Variants in PCDH9 observed in about 807,000 individuals in gnomAD.
The protein encoded by PCDH9 is protocadherin-9.
A neutral mutation model predicts 70.6 loss-of-function variants in PCDH9; 24 were observed. That is an observed-to-expected ratio of 0.34 (90% CI 0.25 to 0.48). The LOEUF is 0.48. Ranked by LOEUF, PCDH9 falls within the 20% of genes least tolerant of loss-of-function variation. PCDH9 has a pLI of 0.99. For missense variants in PCDH9, 1,281 were observed against 1,503.6 expected (o/e 0.85, Z 2.45); for synonymous variants, 562 against 558.5 (o/e 1.01, Z -0.09).
At chr13:67,063,092 C>T (rs568860809) in intron 2 of PCDH9, among the ~76,000 whole-genome samples, 3 of 152,242 alleles carry the variant, frequency 2.0e-5, no homozygotes, top group East Asian at 3.9e-4. Context: ...GTATTTCTTA[C>T]TCATACTACA....
At chr13:67,188,277 A>T (rs900256946) in intron 2 of PCDH9, among the ~76,000 whole-genome samples, 2 of 152,134 alleles carry the variant, frequency 1.3e-5, no homozygotes, top group Non-Finnish European at 2.9e-5. Flanking sequence ...ATTATAAAAG[A>T]TATTTTATGT....
intron 2 of PCDH9, among the ~76,000 whole-genome samples, chr13:67,075,078 A>T (rs1425936911): frequency 7.4e-6 from 1 of 136,040 alleles, no homozygotes. Context: ...TGATAGTGAC[A>T]AAAAAAAAAA....
At chr13:66,399,383 C>T (rs373792892) in intron 4 of PCDH9, among the ~76,000 whole-genome samples, 18 of 152,172 alleles carry the variant, frequency 1.2e-4, no homozygotes, top group East Asian at 9.7e-4. Flanking sequence ...CTTTTGCCAG[C>T]GGCTTATTTT....
At chr13:67,193,332 A>AACACAC (rs71110637) in intron 2 of PCDH9, among the ~76,000 whole-genome samples, 115 of 142,060 alleles carry the variant, frequency 8.1e-4, no homozygotes, top group East Asian at 2.0e-3. Flanking sequence ...TGGAGATTAA[A>AACACAC]ACACACACAC....
chr13:66,331,874 G>A (rs1443746255), intron 4 of PCDH9, among the ~76,000 whole-genome samples: 1 of 152,146 alleles, frequency 6.6e-6, no homozygotes, highest in Middle Eastern at 3.2e-3. Flanking sequence ...GTTTATTTAG[G>A]AGATAGGCTA....
At chr13:66,743,699 A>T (rs1252370811) in intron 3 of PCDH9, among the ~76,000 whole-genome samples, 2 of 152,174 alleles carry the variant, frequency 1.3e-5, no homozygotes, top group Non-Finnish European at 2.9e-5. Context: ...AAATAGCTTG[A>T]TCTAGCTATT....
chr13:66,857,475 A>C (rs2081413284), intron 3 of PCDH9, among the ~76,000 whole-genome samples: 1 of 152,140 alleles, frequency 6.6e-6, no homozygotes, highest in African/African-American at 2.4e-5. Flanking sequence ...ACAAGAAAGC[A>C]GTCTATGAAA....
At chr13:66,665,651 C>A (rs537710825) in intron 3 of PCDH9, among the ~76,000 whole-genome samples, 374 of 152,178 alleles carry the variant, frequency 2.5e-3, no homozygotes, top group African/African-American at 8.6e-3. Flanking sequence ...ACCTCTGGGG[C>A]ACATGATGTA....
chr13:67,166,519 A>G (rs1234181492), intron 2 of PCDH9, among the ~76,000 whole-genome samples: 1 of 152,202 alleles, frequency 6.6e-6, no homozygotes, highest in East Asian at 1.9e-4. Flanking sequence ...GAGCTTTTAT[A>G]AATTACTTGG....
At chr13:66,962,941 G>C (rs778190682) in intron 2 of PCDH9, among the ~76,000 whole-genome samples, 1 of 152,134 alleles carries the variant, frequency 6.6e-6, no homozygotes, top group African/African-American at 2.4e-5. Flanking sequence ...TCACCATAAT[G>C]TGGAATCATT....
chr13:66,689,256 A>AC (rs1361520929), intron 3 of PCDH9, among the ~76,000 whole-genome samples: 1 of 152,072 alleles, frequency 6.6e-6, no homozygotes, highest in Non-Finnish European at 1.5e-5. Flanking sequence ...AAAACTAGAG[A>AC]CCCCCAATAC....
chr13:66,551,658 T>C (rs760249894), intron 4 of PCDH9, among the ~76,000 whole-genome samples: 2 of 152,148 alleles, frequency 1.3e-5, no homozygotes, highest in Non-Finnish European at 2.9e-5. Flanking sequence ...CAAACTTTGG[T>C]TAATTTGTTA....
rs778305811 is a variant in PCDH9, at chr13:67,226,379, G to C, written c.2062C>G (p.Pro688Ala). ...ACGGAGCCAGGAATGGCTGAGAGGGGCACCAACTTAAAGGAAGTATTAGAC... is the reference window on the plus strand; with the variant it reads ...ACGGAGCCAGGAATGGCTGAGAGGGCCACCAACTTAAAGGAAGTATTAGAC... ...PPSNTSFKLVPLSAIPGSVVA... is the reference protein window; with the variant it reads ...PPSNTSFKLVALSAIPGSVVA... Residue 688 changes from proline (P) to alanine (A), a missense_variant, in exon 2 of 5, where the codon CCC becomes GCC. By Grantham distance (27) the Pro-to-Ala change is conservative (BLOSUM62 -1). Around this residue, in one of 4 missense-constraint regions of PCDH9, gnomAD observed 798 missense variants for 1,003.1 expected, o/e 0.80. Transcript: ENST00000377865. This position sits in a 1 kb window ranked among gnomAD's most constrained non-coding sequence, Gnocchi z 5.0. 1.2e-6 allele frequency: 2 copies of C among 1,614,176 alleles called. No individual in the cohort carries two copies. The highest frequency in any genetic ancestry group is 2.2e-5 in the South Asian group (2 of 91,082).
chr13:66,561,139 G>A (rs1243484889), intron 4 of PCDH9, among the ~76,000 whole-genome samples: 1 of 152,232 alleles, frequency 6.6e-6, no homozygotes. Flanking sequence ...GCCGTGTGCT[G>A]GGCAGGCCCC....
intron 2 of PCDH9, among the ~76,000 whole-genome samples, chr13:67,068,425 TC>T (rs1171337251): frequency 6.6e-6 from 1 of 152,064 alleles, no homozygotes; most frequent in African/African-American, 2.4e-5. Context: ...GTCTCTATCC[TC>T]AAGGAAGAGA....
At chr13:67,084,827 C>T (rs182127950) in intron 2 of PCDH9, among the ~76,000 whole-genome samples, 397 of 150,152 alleles carry the variant, frequency 2.6e-3, no homozygotes, top group African/African-American at 9.4e-3. Context: ...ATTAGCTGGG[C>T]GTGGTGGCGG....
intron 4 of PCDH9, among the ~76,000 whole-genome samples, chr13:66,318,457 A>C (rs373210369): frequency 6.6e-6 from 1 of 152,220 alleles, no homozygotes. Context: ...CTTTTATACA[A>C]GGCATGAATT....
chr13:67,151,144 C>T (rs963809610), intron 2 of PCDH9, among the ~76,000 whole-genome samples: 1 of 151,948 alleles, frequency 6.6e-6, no homozygotes, highest in African/African-American at 2.4e-5. Flanking sequence ...GTCTCTTTGG[C>T]CATTTTATTC....
intron 3 of PCDH9, among the ~76,000 whole-genome samples, chr13:66,889,367 G>A (rs1030027429): frequency 2.6e-5 from 4 of 152,146 alleles, no homozygotes; most frequent in Admixed American, 1.3e-4. Flanking sequence ...GGTTTAGCAC[G>A]AAACTTCTAT....
Sources: gnomAD v4.1 joint callset for allele counts (sites outside exome capture counted in the v4.1 genomes callset) on GRCh38, gnomAD v4.1.1 for gene constraint, gnomAD v4.1.1 regional missense constraint, Gnocchi (gnomAD v3.1) non-coding constraint, MANE v1.5 for transcripts, NCBI Gene and HGNC (gene_info 2026-07-23, HGNC 2026-07-21) for gene names.